Variants in EYA4 observed in about 807,000 individuals in gnomAD.
EYA4 encodes the protein EYA transcriptional coactivator and phosphatase 4.
EYA4 carries 31 observed loss-of-function variants against 87.9 expected under a neutral mutation model. The ratio of observed to expected loss-of-function variants is 0.35; its 90% CI spans 0.27 to 0.48. EYA4 has a LOEUF of 0.48. Ranked by LOEUF, EYA4 falls within the 20% of genes least tolerant of loss-of-function variation. The pLI is 0.99. For synonymous variants in EYA4, 263 were observed against 270.6 expected (o/e 0.97, Z 0.28); for missense variants, 678 against 761.4 (o/e 0.89, Z 1.29).
At chr6:133,468,498 G>A (rs1379326212) in intron 10 of EYA4, 68 bp from the exon 11 acceptor site, 2 of 1,268,490 alleles carry the variant, frequency 1.6e-6, no homozygotes, top group Admixed American at 3.4e-5. Context: ...CATAATGACT[G>A]GTTTTCTTGG....
chr6:133,347,941 G>A (rs539421169), intron 2 of EYA4, among the ~76,000 whole-genome samples: 8 of 152,222 alleles, frequency 5.3e-5, no homozygotes, highest in East Asian at 1.9e-4. Flanking sequence ...TTATTTTTCC[G>A]TATGATATGG....
At chr6:133,323,272 G>A (rs1440721030) in intron 2 of EYA4, among the ~76,000 whole-genome samples, 7 of 151,932 alleles carry the variant, frequency 4.6e-5, no homozygotes, top group Admixed American at 4.6e-4. Context: ...TTTGTTAGAG[G>A]GTTTCAATTA....
chr6:133,429,517 A>G (rs764365019), intron 3 of EYA4, among the ~76,000 whole-genome samples: 3 of 152,160 alleles, frequency 2.0e-5, no homozygotes, highest in African/African-American at 2.4e-5. Context: ...ATTAAAGTGG[A>G]TAGAGGGTGA....
intron 1 of EYA4, chr6:133,247,930 A>G (rs1388993819): frequency 2.6e-5 from 4 of 152,228 alleles, no homozygotes; most frequent in Non-Finnish European, 5.9e-5. Flanking sequence ...TTCATGTGGC[A>G]TCACTAAAAA....
intron 2 of EYA4, among the ~76,000 whole-genome samples, chr6:133,324,131 T>G (rs1433637437): frequency 6.6e-6 from 1 of 152,158 alleles, no homozygotes; most frequent in African/African-American, 2.4e-5. Context: ...GCATATATAT[T>G]CTCCACTGCT....
intron 3 of EYA4, among the ~76,000 whole-genome samples, chr6:133,408,288 T>A (rs572732979): frequency 8.5e-5 from 13 of 152,288 alleles, no homozygotes; most frequent in Admixed American, 2.6e-4. Context: ...ACATCTGGCT[T>A]CTTGGCTGAT....
intron 2 of EYA4, among the ~76,000 whole-genome samples, chr6:133,340,160 T>C (rs1042038106): frequency 6.6e-6 from 1 of 152,196 alleles, no homozygotes; most frequent in African/African-American, 2.4e-5. Flanking sequence ...AGACTATATA[T>C]AGGCTTAATG....
At chr6:133,377,325 T>G (rs1438737890) in intron 2 of EYA4, among the ~76,000 whole-genome samples, 1 of 152,060 alleles carries the variant, frequency 6.6e-6, no homozygotes. Flanking sequence ...AGTAAGACTT[T>G]GAAATCTGGT....
At chr6:133,492,507 G>A (rs528679878) in intron 13 of EYA4, among the ~76,000 whole-genome samples, 2 of 152,246 alleles carry the variant, frequency 1.3e-5, no homozygotes, top group Admixed American at 1.3e-4. Flanking sequence ...TCACACAGAA[G>A]GGGGAAAAAT....
chr6:133,342,611 T>TATATATATATATA (rs1782888831), intron 2 of EYA4, among the ~76,000 whole-genome samples: 1 of 79,646 alleles, frequency 1.3e-5, no homozygotes, highest in African/African-American at 5.4e-5. Flanking sequence ...ATATAATTCT[T>TATATATATATATA]TATATTTCTC....
At chr6:133,496,362 A>G (rs1344388646) in intron 13 of EYA4, among the ~76,000 whole-genome samples, 1 of 152,098 alleles carries the variant, frequency 6.6e-6, no homozygotes, top group Non-Finnish European at 1.5e-5. Flanking sequence ...GATTTTTTTG[A>G]TTATTTTAGC....
intron 1 of EYA4, among the ~76,000 whole-genome samples, chr6:133,254,786 G>A (rs1775206526): frequency 6.6e-6 from 1 of 152,114 alleles, no homozygotes; most frequent in Non-Finnish European, 1.5e-5. Flanking sequence ...CTTCCATTTT[G>A]CAGATGAGAT....
chr6:133,445,429 G>A (rs1312008622), intron 3 of EYA4, among the ~76,000 whole-genome samples: 1 of 151,938 alleles, frequency 6.6e-6, no homozygotes, highest in Non-Finnish European at 1.5e-5. Flanking sequence ...TGAGCTGAAG[G>A]TCTTCCTTTA....
At chr6:133,340,737 T>C (rs1782718444) in intron 2 of EYA4, among the ~76,000 whole-genome samples, 1 of 152,146 alleles carries the variant, frequency 6.6e-6, no homozygotes. Context: ...TATCAAGCCC[T>C]GTGGGCCAAT....
chr6:133,530,991 T>A lies in EYA4; in HGVS notation c.*2186T>A. The A allele has an allele frequency of 7.8e-7, 1 of 1,286,608 alleles. No homozygotes were observed. Among genetic ancestry groups the A allele is most frequent in the East Asian group, 2.9e-5 (1 of 34,482 alleles). The allele number at this position is 1,286,608 out of a possible 1,614,324, so 79.7% of individuals were successfully genotyped here. On this transcript the variant is annotated 3_prime_UTR_variant, in exon 20 of 20. Transcript: ENST00000355286. ...TTTATTACTGTGAATAAAAACAAAT[T>A]ATCTTTACTGTATAGCTGGTTTCTT... is the stretch of plus-strand genomic sequence containing the variant.
At position 133,464,868 on chromosome 6, in the gene EYA4, C is replaced by T; in HGVS notation, c.804+10C>T. The T allele has an allele frequency of 6.3e-7, 1 of 1,586,964 alleles. No individual in the cohort carries two copies. The highest frequency in any genetic ancestry group is 8.6e-7 in the Non-Finnish European group (1 of 1,156,532). ...CAGTGGTTCACAACAGGTATAGTAG[C>T]TTTTTGTGTTTATGCTTTTTATATG... On this transcript the variant is annotated intron_variant, in intron 10 of 19. Coordinates refer to ENST00000355286, the MANE Select transcript of EYA4 (RefSeq NM_004100.5).
intron 3 of EYA4, among the ~76,000 whole-genome samples, chr6:133,437,449 T>C (rs146766145): frequency 2.2e-4 from 34 of 152,314 alleles, no homozygotes; most frequent in African/African-American, 7.9e-4. Flanking sequence ...CTGTGTATCC[T>C]CTCTGAGCCT....
chr6:133,357,723 C>T (rs1784174847), intron 2 of EYA4, among the ~76,000 whole-genome samples: 1 of 152,098 alleles, frequency 6.6e-6, no homozygotes, highest in Admixed American at 6.6e-5. Context: ...GCACTCCACA[C>T]AAGCAGGGAC....
intron 1 of EYA4, among the ~76,000 whole-genome samples, chr6:133,272,120 G>T (rs935478116): frequency 6.6e-6 from 1 of 152,210 alleles, no homozygotes; most frequent in African/African-American, 2.4e-5. Context: ...TCTGCCAACT[G>T]GGAAGATTTC....
Sources: gnomAD v4.1 joint callset for allele counts (sites outside exome capture counted in the v4.1 genomes callset) on GRCh38, gnomAD v4.1.1 for gene constraint, MANE v1.5 for transcripts, NCBI Gene and HGNC (gene_info 2026-07-23, HGNC 2026-07-21) for gene names.